Variants in DAB1 observed in about 807,000 individuals in gnomAD.
DAB1 encodes the protein disabled homolog 1.
DAB1 carries 15 observed loss-of-function variants against 64.6 expected under a neutral mutation model. The ratio of observed to expected loss-of-function variants is 0.23; its 90% confidence interval spans 0.16 to 0.36. The LOEUF is 0.36. DAB1 is among the 10% of genes least tolerant of loss of function. DAB1 has a pLI of 1.00. For synonymous variants in DAB1, 235 were observed against 251.9 expected (o/e 0.93, Z 0.64); for missense variants, 596 against 706.7 (o/e 0.84, Z 1.78).
chr1:57,791,996 CA>C (rs1650623963), intron 6 of DAB1, among the ~76,000 whole-genome samples: 2 of 152,324 alleles, frequency 1.3e-5, no homozygotes, highest in Middle Eastern at 6.8e-3. Flanking sequence ...CTTCTGTTAA[CA>C]GTCACTAAGG....
intron 5 of DAB1, among the ~76,000 whole-genome samples, chr1:57,954,922 C>T (rs1252428026): frequency 6.6e-6 from 1 of 152,138 alleles, no homozygotes; most frequent in African/African-American, 2.4e-5. Context: ...TGCCATGAGT[C>T]CTAGGGCTCA....
chr1:57,170,411 T>A (rs1212613537), intron 2 of DAB1, among the ~76,000 whole-genome samples: 1 of 152,136 alleles, frequency 6.6e-6, no homozygotes, highest in Non-Finnish European at 1.5e-5. Context: ...ACATAATAAG[T>A]GTTTAATAAA....
intron 6 of DAB1, among the ~76,000 whole-genome samples, chr1:57,764,174 C>G (rs967583792): frequency 6.6e-6 from 1 of 152,136 alleles, no homozygotes; most frequent in Non-Finnish European, 1.5e-5. Context: ...GCAATCAGTC[C>G]CAGAGCACTG....
intron 1 of DAB1, among the ~76,000 whole-genome samples, chr1:57,339,280 C>T (rs4309005): frequency 0.097 from 14,758 of 152,050 alleles, 831 homozygotes; most frequent in African/African-American, 0.13. Context: ...CTCGGCCTCC[C>T]GAGCAGCTGG....
chr1:58,161,576 T>C (rs1292669206), intron 4 of DAB1, among the ~76,000 whole-genome samples: 1 of 152,154 alleles, frequency 6.6e-6, no homozygotes, highest in African/African-American at 2.4e-5. Context: ...CCAAATACTG[T>C]TCTGTGATTA....
At chr1:58,173,838 CA>C (rs1656310716) in intron 4 of DAB1, among the ~76,000 whole-genome samples, 2 of 152,150 alleles carry the variant, frequency 1.3e-5, no homozygotes, top group African/African-American at 4.8e-5. Flanking sequence ...CCCAGGAAAT[CA>C]GACCCTATCA....
chr1:57,742,595 C>T (rs4912173), intron 6 of DAB1, among the ~76,000 whole-genome samples: 18,250 of 151,976 alleles, frequency 0.12, 1,417 homozygotes, highest in East Asian at 0.41. Flanking sequence ...GGCCTACAGA[C>T]GGGAAATTTC....
chr1:58,320,133 A>G (rs1283907740), intron 4 of DAB1, among the ~76,000 whole-genome samples: 1 of 152,234 alleles, frequency 6.6e-6, no homozygotes, highest in South Asian at 2.1e-4. Flanking sequence ...ATCTTAGTGA[A>G]GAACATAGAG....
intron 2 of DAB1, among the ~76,000 whole-genome samples, chr1:57,182,952 C>T (rs1663134295): frequency 6.6e-6 from 1 of 152,034 alleles, no homozygotes; most frequent in African/African-American, 2.4e-5. Flanking sequence ...TCAGTCACAC[C>T]AGCCTCATTT....
At chr1:58,542,785 G>C (rs1045865537) in intron 1 of DAB1, among the ~76,000 whole-genome samples, 4 of 152,238 alleles carry the variant, frequency 2.6e-5, no homozygotes, top group African/African-American at 9.6e-5. Context: ...CTCATTTTAG[G>C]GGACAGGCTT....
At chr1:57,935,841 A>G (rs1345511755) in intron 5 of DAB1, among the ~76,000 whole-genome samples, 1 of 152,220 alleles carries the variant, frequency 6.6e-6, no homozygotes, top group Non-Finnish European at 1.5e-5. Flanking sequence ...GCTGCAGAAA[A>G]TGCTGGGGAC....
chr1:58,237,950 T>C (rs1434562308), intron 4 of DAB1, among the ~76,000 whole-genome samples: 1 of 152,242 alleles, frequency 6.6e-6, no homozygotes, highest in Non-Finnish European at 1.5e-5. Context: ...ACATGCATTA[T>C]TTCATTATAT....
At chr1:57,066,554 T>G (rs1016399429) in intron 8 of DAB1, among the ~76,000 whole-genome samples, 5 of 152,242 alleles carry the variant, frequency 3.3e-5, no homozygotes, top group Admixed American at 2.0e-4. Context: ...TCTGTATCCC[T>G]TTTGTTGGAG....
chr1:57,555,812 T>C (rs1314356670), intron 7 of DAB1, among the ~76,000 whole-genome samples: 1 of 152,218 alleles, frequency 6.6e-6, no homozygotes, highest in Non-Finnish European at 1.5e-5. Context: ...AAACATAGTC[T>C]TTCCCAAGGA....
chr1:57,581,175 A>T (rs1335723385), intron 7 of DAB1, among the ~76,000 whole-genome samples: 1 of 152,200 alleles, frequency 6.6e-6, no homozygotes, highest in East Asian at 1.9e-4. Context: ...AAATCAAGAC[A>T]ATTTCTTCAC....
intron 7 of DAB1, among the ~76,000 whole-genome samples, chr1:57,547,128 C>T (rs1570614854): frequency 6.7e-6 from 1 of 148,966 alleles, no homozygotes; most frequent in South Asian, 2.1e-4. Flanking sequence ...GGAGAGAGAG[C>T]AGTCAAGGCC....
rs1197667372 is a variant in DAB1, at chr1:57,877,735, T to C, written n.87+6264A>G. Among the ~76,000 whole-genome samples the C allele has an allele frequency of 2.5e-5, 2 of 81,618 alleles. 1 individual carries two copies. Among genetic ancestry groups the C allele is most frequent in the Non-Finnish European group, 4.9e-5 (2 of 41,048 alleles). 53.5% of individuals were successfully genotyped at this position (81,618 alleles called of 152,430 possible). A position where few individuals can be genotyped will look rare whatever the true frequency, so the allele number is the denominator to read the frequency against. ...ACCACCGCGCCCGGCTAATTTTTTT[T>C]TTGTATTTTTAGTAGAGACGGGGTT... is the stretch of plus-strand genomic sequence containing the variant. On this transcript the variant is annotated intron_variant and non_coding_transcript_variant, in intron 1 of 1. Transcript: ENST00000477280.
chr1:57,049,367 C>T (rs1292495898), intron 9 of DAB1, among the ~76,000 whole-genome samples: 1 of 139,156 alleles, frequency 7.2e-6, no homozygotes, highest in Admixed American at 8.1e-5. Context: ...AGGAGAATGG[C>T]ATGAACCCGG....
intron 4 of DAB1, among the ~76,000 whole-genome samples, chr1:58,212,881 G>A (rs1387854477): frequency 2.0e-5 from 3 of 152,136 alleles, no homozygotes; most frequent in Non-Finnish European, 4.4e-5. Flanking sequence ...AAGACAAACA[G>A]AGCTGGTGGA....
Sources: allele counts gnomAD v4.1 joint callset (sites outside exome capture counted in the v4.1 genomes callset), GRCh38; gene constraint gnomAD v4.1.1; transcripts MANE v1.5; gene names NCBI Gene and HGNC (gene_info 2026-07-23, HGNC 2026-07-21).